The following CDC73 variants were observed in gnomAD, a reference collection of about 807,000 sequenced individuals.
CDC73 encodes parafibromin.
CDC73 carries 21 observed loss-of-function variants against 83.7 expected under a neutral mutation model. The ratio of observed to expected loss-of-function variants is 0.25; its 90% CI spans 0.18 to 0.36. CDC73 has a LOEUF of 0.36. Among genes scored for constraint, CDC73 ranks in the 10% least tolerant of loss-of-function variants. The probability of loss-of-function intolerance (pLI) is 1.00; values close to 1 mark genes in which losing one functional copy is unlikely to be tolerated. For missense variants in CDC73, 342 were observed against 653.3 expected (o/e 0.52, Z 5.19); for synonymous variants, 224 against 212.9 (o/e 1.05, Z -0.45).
At chr1:193,187,859 A>G (rs1479419732) in intron 10 of CDC73, among the ~76,000 whole-genome samples, 1 of 152,154 alleles carries the variant, frequency 6.6e-6, no homozygotes, top group African/African-American at 2.4e-5. Context: ...TAAATAGGAA[A>G]CCTAAAGCCT....
At chr1:193,136,580 A>G (rs748384115) in intron 5 of CDC73, 2 of 214,740 alleles carry the variant, frequency 9.3e-6, no homozygotes, top group South Asian at 9.5e-5. Context: ...CTATGAGCGA[A>G]TAGGCTCAGA....
chr1:193,215,119 C>T (rs1166645125), intron 13 of CDC73, among the ~76,000 whole-genome samples: 1 of 152,118 alleles, frequency 6.6e-6, no homozygotes, highest in Non-Finnish European at 1.5e-5. Flanking sequence ...TGTCTTTTGA[C>T]TCTCTGCAAA....
At chr1:193,209,047 T>G (rs1378403184) in intron 11 of CDC73, among the ~76,000 whole-genome samples, 1 of 152,254 alleles carries the variant, frequency 6.6e-6, no homozygotes, top group Non-Finnish European at 1.5e-5. Context: ...CATTTTTGTT[T>G]ATGGTCTGGG....
chr1:193,168,953 G>T (rs560956209), intron 10 of CDC73, among the ~76,000 whole-genome samples: 2 of 152,240 alleles, frequency 1.3e-5, no homozygotes, highest in South Asian at 4.1e-4. Context: ...TAATACTTTT[G>T]ATTATCTAGA....
Position 193,155,582 on chromosome 1 carries a change from A to G in CDC73, c.972+3138A>G, listed in dbSNP as rs767460200. ...CACTTGAAGCCAGGAGTTCAAGACC[A>G]GCTCGGTTAACATGGCAAAACCCCA... On this transcript the variant is annotated intron_variant, in intron 10 of 16. Transcript: ENST00000367435. 2.0e-5 allele frequency among the ~76,000 whole-genome samples: 3 copies of G among 152,178 alleles called. No homozygotes were observed. The East Asian group carries it at 5.8e-4, about 29-fold the overall frequency.
Position 193,135,402 on chromosome 1 carries a change from A to G in CDC73, c.319A>G (p.Ser107Gly), listed in dbSNP as rs1374821216. 6.2e-7 allele frequency: 1 copy of G among 1,613,294 alleles called. No homozygotes were observed. Among genetic ancestry groups the G allele is most frequent in the Non-Finnish European group, 8.5e-7 (1 of 1,179,284 alleles). Reference protein sequence around the residue: ...YLNGEASTSASIDRSAPLEIG... With the variant: ...YLNGEASTSAGIDRSAPLEIG... ...TTTTATGTCTTCAGCAACATCGGCA[A>G]GTATAGACAGAAGCGCTCCCTTAGA... Residue 107 changes from serine (S) to glycine (G), a missense_variant, in exon 4 of 17, where the codon AGT becomes GGT. This residue lies in a region of CDC73 where 99 missense variants were observed against 174.5 expected (regional missense o/e 0.57). Transcript: ENST00000367435.
chr1:193,128,675 T>G (rs947774094), intron 2 of CDC73, among the ~76,000 whole-genome samples: 1 of 152,186 alleles, frequency 6.6e-6, no homozygotes, highest in African/African-American at 2.4e-5. Context: ...AAGGAGAAAC[T>G]AAAATTTAGC....
At chr1:193,236,184 G>T in intron 14 of CDC73, 72 bp from the exon 15 acceptor site, 1 of 892,052 alleles carries the variant, frequency 1.1e-6, no homozygotes, top group Non-Finnish European at 1.9e-6. Flanking sequence ...GGGATTTATA[G>T]TAGCTAAAGC....
At chr1:193,148,532 C>T (rs1002553952) in intron 8 of CDC73, among the ~76,000 whole-genome samples, 2 of 151,810 alleles carry the variant, frequency 1.3e-5, no homozygotes, top group Non-Finnish European at 2.9e-5. Flanking sequence ...GTTGAAAATC[C>T]TTCCAGCTAT....
chr1:193,127,278 A>C (rs539590446), intron 2 of CDC73, among the ~76,000 whole-genome samples: 1 of 111,134 alleles, frequency 9.0e-6, no homozygotes, highest in African/African-American at 3.6e-5. Context: ...TGTCTCAGGG[A>C]AAAAAAAAAA....
chr1:193,148,267 A>T (rs1324326428), intron 8 of CDC73, among the ~76,000 whole-genome samples: 3 of 152,180 alleles, frequency 2.0e-5, no homozygotes, highest in Non-Finnish European at 2.9e-5. Context: ...GTTGCTTGGG[A>T]CAATTGCTAA....
At chr1:193,126,826 G>A (rs957415571) in intron 2 of CDC73, among the ~76,000 whole-genome samples, 14 of 152,076 alleles carry the variant, frequency 9.2e-5, no homozygotes, top group African/African-American at 3.4e-4. Flanking sequence ...GTCATCACTG[G>A]AGCTGCTTTT....
chr1:193,122,189 A>AG lies in CDC73; in HGVS notation c.-4dup, dbSNP rs545666726. The AG allele has an allele frequency of 8.6e-3, 13,803 of 1,608,664 alleles. 67 individuals carry two copies. Among genetic ancestry groups the AG allele is most frequent in the South Asian group, 0.011 (1,022 of 90,944 alleles). Reference sequence around the variant, plus strand: ...GCGGCGCCCCGAGCCGGCGGAGGCGAGGGGGGGGAAGATGGCGGACGTGCT... The same window carrying AG: ...GCGGCGCCCCGAGCCGGCGGAGGCGAGGGGGGGGGAAGATGGCGGACGTGCT... On this transcript the variant is annotated 5_prime_UTR_variant, in exon 1 of 17. Coordinates refer to ENST00000367435, the MANE Select transcript of CDC73 (RefSeq NM_024529.5).
At chr1:193,216,635 C>G (rs1677372120) in intron 13 of CDC73, among the ~76,000 whole-genome samples, 1 of 149,320 alleles carries the variant, frequency 6.7e-6, no homozygotes, top group African/African-American at 2.5e-5. Context: ...GGCAGAGAGA[C>G]AATTAAAAAA....
intron 13 of CDC73, among the ~76,000 whole-genome samples, chr1:193,220,959 T>C (rs1424353094): frequency 6.6e-6 from 1 of 152,222 alleles, no homozygotes; most frequent in African/African-American, 2.4e-5. Context: ...AGTCAATATA[T>C]ATATGGCTTT....
intron 10 of CDC73, among the ~76,000 whole-genome samples, chr1:193,165,600 G>A (rs1676422754): frequency 6.6e-6 from 1 of 152,164 alleles, no homozygotes; most frequent in African/African-American, 2.4e-5. Context: ...TTGTGTAAAA[G>A]TTTTGTTTAC....
chr1:193,182,176 C>G (rs1676728064), intron 10 of CDC73, among the ~76,000 whole-genome samples: 1 of 152,226 alleles, frequency 6.6e-6, no homozygotes, highest in East Asian at 1.9e-4. Flanking sequence ...TGGCAGAGTT[C>G]TGTTAGTCAC....
At chr1:193,149,845 TA>T (rs894597501) in intron 8 of CDC73, among the ~76,000 whole-genome samples, 17 of 152,050 alleles carry the variant, frequency 1.1e-4, no homozygotes, top group African/African-American at 3.6e-4. Flanking sequence ...TCTAATTATT[TA>T]AAAAAAATAC....
intron 2 of CDC73, among the ~76,000 whole-genome samples, chr1:193,128,832 T>C (rs1329337083): frequency 6.6e-6 from 1 of 152,164 alleles, no homozygotes; most frequent in Non-Finnish European, 1.5e-5. Flanking sequence ...TAAAGGTTCT[T>C]GTTGTTACTT....
Sources: gnomAD v4.1 joint callset for allele counts (sites outside exome capture counted in the v4.1 genomes callset) on GRCh38, gnomAD v4.1.1 for gene constraint, gnomAD v4.1.1 regional missense constraint, MANE v1.5 for transcripts, NCBI Gene and HGNC (gene_info 2026-07-23, HGNC 2026-07-21) for gene names.